Variants in ZAN observed in about 807,000 individuals in gnomAD.
ZAN encodes zonadhesin (gene/pseudogene).
Under a neutral mutation model 286.2 loss-of-function variants are expected in ZAN, and 260 were observed. The observed-to-expected ratio is 0.91, with a 90% CI of 0.82 to 1.01. ZAN has a LOEUF of 1.01. Ranked by LOEUF, ZAN falls within the 50% of genes least tolerant of loss-of-function variation. The pLI is 0.00. For synonymous variants in ZAN, 1,368 were observed against 1,417.5 expected (o/e 0.97, Z 0.79); for missense variants, 3,410 against 3,639.2 (o/e 0.94, Z 1.62).
Position 100,758,638 on chromosome 7 carries a change from G to C in ZAN, c.3559G>C (p.Gly1187Arg), listed in dbSNP as rs1464912693. 6.4e-7 allele frequency: 1 copy of C among 1,555,030 alleles called. No homozygotes were observed. Among genetic ancestry groups the C allele is most frequent in the Admixed American group, 1.9e-5 (1 of 51,354 alleles). ...CACTTACATCTTGGCCCAGCCCTGT[G>C]GCAACTCAACAGGTAGGCCCTGGAG... ...KCTYILAQPC[G>R]NSTDPFFRVT... The change falls in exon 17 of 48, where the codon GGC (glycine) becomes CGC (arginine). Residue 1187 changes from glycine to arginine, a missense_variant. Gly to Arg is a moderately radical substitution (Grantham distance 125). Around this residue, in one of 7 missense-constraint regions of ZAN, gnomAD observed 1,042 missense variants for 1,058.0 expected, o/e 0.98. Coordinates refer to ENST00000613979, the MANE Select transcript of ZAN (RefSeq NM_003386.3).
chr7:100,797,268 C>T (rs1812420922), intron 45 of ZAN, 98 bp from the exon 46 acceptor site: 7 of 1,120,428 alleles, frequency 6.2e-6, no homozygotes, highest in Non-Finnish European at 9.2e-6. Flanking sequence ...GAGATGAGGT[C>T]CCCTGGGGTA....
Position 100,755,368 on chromosome 7 carries a change from G to T in ZAN, c.3267G>T (p.Gln1089His). The T allele has an allele frequency of 6.2e-7, 1 of 1,613,652 alleles. No individual in the cohort carries two copies. Among genetic ancestry groups the T allele is most frequent in the Non-Finnish European group, 8.5e-7 (1 of 1,179,824 alleles). ...TGTTTAGTGACAACCACTGCATCCA[G>T]GCCTCTTCCTGCAATTGCTTCTACA... Reference protein sequence around the residue: ...GFLFSDNHCIQASSCNCFYNN... With the variant: ...GFLFSDNHCIHASSCNCFYNN... Residue 1089 changes from glutamine to histidine, a missense_variant, in exon 15 of 48, where the codon CAG (glutamine) becomes CAT (histidine). By Grantham distance (24) the Gln-to-His change is conservative. Coordinates refer to ENST00000613979, the MANE Select transcript of ZAN (RefSeq NM_003386.3).
At position 100,738,388 on chromosome 7, in the gene ZAN, A is replaced by C. The variant is rs1807457623; in HGVS notation, c.614-73A>C. The stretch of plus-strand genomic sequence containing the variant: ...AGCTATGATCACACCACTGTACTCT[A>C]GCCTGGGTGACAGAGACCCTGTCTC... On this transcript the variant is annotated intron_variant, in intron 6 of 47. Transcript: ENST00000613979. The C allele has an allele frequency of 5.3e-6, 7 of 1,327,978 alleles. No individual in the cohort carries two copies. In the East Asian group the frequency reaches 1.8e-4, roughly 35 times the overall value. 82.3% of individuals were successfully genotyped at this position (1,327,978 alleles called of 1,614,324 possible).
At chr7:100,774,404 C>G (rs1810610618) in intron 31 of ZAN, among the ~76,000 whole-genome samples, 1 of 152,070 alleles carries the variant, frequency 6.6e-6, no homozygotes, top group South Asian at 2.1e-4. Context: ...GGCATGGTGG[C>G]TCATGCCTGT....
chr7:100,784,541 C>A, intron 35 of ZAN, 82 bp from the exon 36 acceptor site: 2 of 1,399,848 alleles, frequency 1.4e-6, no homozygotes, highest in South Asian at 1.3e-5. Context: ...GGTCATCCAC[C>A]CATAGCTTGG....
In ZAN at chr7:100,797,676, C is replaced by A. The variant is rs760494101; in HGVS notation, c.8414-31C>A. The stretch of plus-strand genomic sequence containing the variant: ...CTCGGGGCCTAGAGTTGAGTCTCCT[C>A]TCATACATGGTTTTCTTGCTTTCTC... On this transcript the variant is annotated intron_variant, in intron 47 of 47. Transcript: ENST00000613979. 1.9e-6 allele frequency: 3 copies of A among 1,613,986 alleles called. No homozygotes were observed. The Admixed American group carries it at 5.0e-5, about 27-fold the overall frequency.
chr7:100,737,115 G>T lies in ZAN; in HGVS notation c.525+35G>T. On this transcript the variant is annotated intron_variant, in intron 5 of 47. Transcript: ENST00000613979. The stretch of plus-strand genomic sequence containing the variant: ...GGGACAAATTGTGGGACCTCGGGGG[G>T]GAGTCTGGGTGTTGGAGAGCCTGAG... 2 of 1,474,466 alleles carry T rather than the reference G, an allele frequency of 1.4e-6. 1 individual carries two copies. The highest frequency in any genetic ancestry group is 1.8e-6 in the Non-Finnish European group (2 of 1,082,726). 91.3% of individuals were successfully genotyped at this position (1,474,466 alleles called of 1,614,324 possible). A position where few individuals can be genotyped will look rare whatever the true frequency, so the allele number is the denominator to read the frequency against.
In ZAN at chr7:100,735,189, G is replaced by GA. The variant is rs546983442; in HGVS notation, c.54-520dup. ...ACAAGAGCAAAACTCCATCTCAAAA[G>GA]AAAAAAAAAAAGAAATGATGGATGT... On this transcript the variant is annotated intron_variant, in intron 2 of 47. Coordinates refer to ENST00000613979, the MANE Select transcript of ZAN (RefSeq NM_003386.3). Among the ~76,000 whole-genome samples the GA allele has an allele frequency of 3.9e-4, 48 of 124,516 alleles. 3 individuals are homozygous for GA. The highest frequency in any genetic ancestry group is 4.9e-4 in the South Asian group (2 of 4,048). 81.7% of individuals were successfully genotyped at this position (124,516 alleles called of 152,430 possible). A position where few individuals can be genotyped will look rare whatever the true frequency, so the allele number is the denominator to read the frequency against.
chr7:100,789,868 G>A (rs184983466), intron 39 of ZAN, among the ~76,000 whole-genome samples: 11 of 151,942 alleles, frequency 7.2e-5, no homozygotes, highest in East Asian at 5.8e-4. Context: ...TCGCTTGAAC[G>A]TGGGAGGCGG....
At chr7:100,766,228 C>A (rs997323925) in intron 23 of ZAN, among the ~76,000 whole-genome samples, 1 of 152,114 alleles carries the variant, frequency 6.6e-6, no homozygotes. Flanking sequence ...CTCAAGTGAT[C>A]CACCCGCCTT....
At chr7:100,753,667 T>TAA (rs1292891507) in intron 14 of ZAN, among the ~76,000 whole-genome samples, 93 of 129,596 alleles carry the variant, frequency 7.2e-4, no homozygotes, top group African/African-American at 2.3e-3. Flanking sequence ...CACTTTAAAA[T>TAA]TAAAAAAAAA....
In ZAN at chr7:100,752,503, G is replaced by C. The variant is rs866587723; in HGVS notation, c.2398G>C (p.Glu800Gln). Residue 800 changes from glutamate to glutamine, a missense_variant, in exon 14 of 48, where the codon GAG becomes CAG. Physicochemically the swap from Glu to Gln is conservative, Grantham distance 29. Around this residue, in one of 7 missense-constraint regions of ZAN, gnomAD observed 90 missense variants for 87.1 expected, o/e 1.03. Coordinates refer to ENST00000613979, the MANE Select transcript of ZAN (RefSeq NM_003386.3). The part of the protein sequence containing the change: ...PTEKPTISTE[E>Q]PTTPTEETTI... ...AGAAAAACCCACCATCTCCACAGAA[G>C]AGCCCACCACCCCCACTGAGGAGAC... 5.9e-6 allele frequency: 9 copies of C among 1,515,034 alleles called. No individual in the cohort carries two copies. Among genetic ancestry groups the C allele is most frequent in the Non-Finnish European group, 8.0e-6 (9 of 1,131,854 alleles). 93.8% of individuals were successfully genotyped at this position (1,515,034 alleles called of 1,614,324 possible).
At chr7:100,757,665 G>A (rs1227794751) in intron 15 of ZAN, among the ~76,000 whole-genome samples, 1 of 150,430 alleles carries the variant, frequency 6.6e-6, no homozygotes, top group Non-Finnish European at 1.5e-5. Flanking sequence ...TGAGGCAGGA[G>A]AATCGCTTGA....
chr7:100,783,503 G>A (rs554416606), intron 35 of ZAN, among the ~76,000 whole-genome samples: 9 of 150,384 alleles, frequency 6.0e-5, no homozygotes, highest in African/African-American at 2.2e-4. Flanking sequence ...GGAGGCCAAG[G>A]TGGGAGGATC....
rs746772730 is a variant in ZAN, at chr7:100,768,007, G to C, written c.5037G>C (p.Leu1679=). 6.2e-6 allele frequency: 10 copies of C among 1,610,632 alleles called. No homozygotes were observed. In the South Asian group the frequency reaches 9.9e-5, roughly 16 times the overall value. ...PSSYGGQLCG[L]CGNYNNNSLD... ...CCTATGGCGGCCAGCTCTGTGGGCTGTGTGGTGAGTTTCCTGGGCACCTGC... is the reference window on the plus strand; with the variant it reads ...CCTATGGCGGCCAGCTCTGTGGGCTCTGTGGTGAGTTTCCTGGGCACCTGC... The change falls in exon 26 of 48, where the codon CTG becomes CTC. Residue 1679 remains leucine, a synonymous_variant. Transcript: ENST00000613979.
At chr7:100,754,432 C>G (rs1251609288) in intron 14 of ZAN, among the ~76,000 whole-genome samples, 2 of 151,866 alleles carry the variant, frequency 1.3e-5, no homozygotes, top group African/African-American at 2.4e-5. Context: ...GCACTCCAGC[C>G]TGGGTGATAA....
chr7:100,788,266 G>A, intron 38 of ZAN, 130 bp downstream of exon 38: 1 of 1,306,136 alleles, frequency 7.7e-7, no homozygotes, highest in Non-Finnish European at 1.0e-6. Context: ...TAAAATCAGA[G>A]TCAGCAGGAC....
intron 7 of ZAN, 74 bp downstream of exon 7, chr7:100,738,687 T>A: frequency 2.1e-6 from 3 of 1,400,424 alleles, no homozygotes; most frequent in Non-Finnish European, 2.9e-6. Flanking sequence ...CCTGGGACGG[T>A]CTGTCATGAA....
intron 15 of ZAN, 101 bp downstream of exon 15, chr7:100,755,511 C>T (rs947737640): frequency 1.2e-4 from 160 of 1,365,150 alleles, no homozygotes; most frequent in South Asian, 2.0e-4. Flanking sequence ...CAGGGATCAC[C>T]GGATAGTCCC....
Sources: gnomAD v4.1 joint callset for allele counts (sites outside exome capture counted in the v4.1 genomes callset) on GRCh38, gnomAD v4.1.1 for gene constraint, gnomAD v4.1.1 regional missense constraint, MANE v1.5 for transcripts, NCBI Gene and HGNC (gene_info 2026-07-23, HGNC 2026-07-21) for gene names.